The following LMCD1 variants were observed in gnomAD, a reference collection of about 807,000 sequenced individuals.
The protein encoded by LMCD1 is LIM and cysteine-rich domains protein 1.
LMCD1 carries 32 observed loss-of-function variants against 42.7 expected under a neutral mutation model. The observed-to-expected ratio is 0.75, with a 90% CI of 0.57 to 1.01. LMCD1 has a LOEUF of 1.01. Among genes scored for constraint, LMCD1 ranks in the 50% least tolerant of loss-of-function variants. LMCD1 has a pLI of 0.00. For synonymous variants in LMCD1, 178 were observed against 184.9 expected (o/e 0.96, Z 0.30); for missense variants, 458 against 483.1 (o/e 0.95, Z 0.49).
At position 8,541,223 on chromosome 3, in the gene LMCD1, C is replaced by T. The variant is rs572910152; in HGVS notation, c.387+3783C>T. On this transcript the variant is annotated intron_variant, in intron 3 of 5. Coordinates refer to ENST00000157600, the MANE Select transcript of LMCD1 (RefSeq NM_014583.4). ...TGGAACCTCTCCACCCAAGATGTCC[C>T]GACCAGGTTGCAGAGCACCAAGTAA... 7.2e-4 allele frequency among the ~76,000 whole-genome samples: 110 copies of T among 152,250 alleles called. No individual in the cohort carries two copies. In the Middle Eastern group the frequency reaches 0.01, roughly 14 times the overall value.
At chr3:8,502,923 C>G (rs963872785) in intron 1 of LMCD1, among the ~76,000 whole-genome samples, 8 of 152,252 alleles carry the variant, frequency 5.3e-5, no homozygotes, top group Middle Eastern at 3.4e-3. Flanking sequence ...AGAGTTGGTT[C>G]TAACAGGCAG....
At chr3:8,502,272 TATATAAA>T (rs1693740299) in intron 1 of LMCD1, among the ~76,000 whole-genome samples, 1 of 60,914 alleles carries the variant, frequency 1.6e-5, no homozygotes. Flanking sequence ...ATAAAATATA[TATATAAA>T]ATATATATAA....
intron 4 of LMCD1, among the ~76,000 whole-genome samples, chr3:8,549,175 G>GT (rs2125032464): frequency 6.6e-6 from 1 of 152,274 alleles, no homozygotes; most frequent in Admixed American, 6.5e-5. Context: ...CTGCTTGGTG[G>GT]TGAGGGTAAG....
At chr3:8,528,741 C>A (rs768329020) in intron 1 of LMCD1, among the ~76,000 whole-genome samples, 74 of 152,138 alleles carry the variant, frequency 4.9e-4, no homozygotes, top group Non-Finnish European at 7.8e-4. Context: ...TCCTCTCAAC[C>A]CTACATTGTT....
intron 5 of LMCD1, 26 bp from the exon 6 acceptor site, chr3:8,567,414 T>C (rs1283755464): frequency 8.1e-6 from 13 of 1,610,438 alleles, no homozygotes; most frequent in South Asian, 2.2e-5. Flanking sequence ...AACTGAGTCA[T>C]GCATTTCTCC....
At chr3:8,522,561 T>C (rs1229189780) in intron 1 of LMCD1, among the ~76,000 whole-genome samples, 2 of 152,190 alleles carry the variant, frequency 1.3e-5, no homozygotes, top group Non-Finnish European at 2.9e-5. Flanking sequence ...GGGACTACCA[T>C]GCTTCACTCC....
intron 4 of LMCD1, among the ~76,000 whole-genome samples, chr3:8,554,922 T>C (rs1192279757): frequency 1.3e-5 from 2 of 152,112 alleles, no homozygotes; most frequent in Non-Finnish European, 1.5e-5. Context: ...CTCTACTCTT[T>C]AGCATTTACC....
chr3:8,548,448 C>T, intron 3 of LMCD1, 120 bp from the exon 4 acceptor site: 1 of 582,408 alleles, frequency 1.7e-6, no homozygotes. Flanking sequence ...GTGGGTCTTT[C>T]AGTTGCTGAG....
intron 4 of LMCD1, among the ~76,000 whole-genome samples, chr3:8,563,359 T>C (rs1415569101): frequency 6.6e-6 from 1 of 152,192 alleles, no homozygotes; most frequent in Non-Finnish European, 1.5e-5. Flanking sequence ...GGGAACAATG[T>C]ACCAGACATC....
At chr3:8,520,119 C>G (rs1399124307) in intron 1 of LMCD1, among the ~76,000 whole-genome samples, 4 of 152,158 alleles carry the variant, frequency 2.6e-5, no homozygotes, top group Non-Finnish European at 4.4e-5. Flanking sequence ...AATCCACCAA[C>G]TTGGTGTGTT....
intron 1 of LMCD1, among the ~76,000 whole-genome samples, chr3:8,510,754 A>T (rs1693979179): frequency 1.3e-5 from 2 of 152,230 alleles, no homozygotes; most frequent in African/African-American, 4.8e-5. Context: ...ATCTGTTAGT[A>T]AGTCACAAAT....
chr3:8,536,316 G>T (rs758045327), intron 2 of LMCD1, among the ~76,000 whole-genome samples: 4 of 152,178 alleles, frequency 2.6e-5, no homozygotes, highest in African/African-American at 7.2e-5. Context: ...TTCCTCTCAC[G>T]CCGTGGAACT....
chr3:8,532,606 T>A (rs1479115510), intron 1 of LMCD1, 131 bp from the exon 2 acceptor site: 3 of 724,956 alleles, frequency 4.1e-6, no homozygotes, highest in Non-Finnish European at 7.3e-6. Context: ...CAGTTTGTGA[T>A]GGCTTATTGA....
intron 3 of LMCD1, among the ~76,000 whole-genome samples, chr3:8,544,904 C>T (rs1015931820): frequency 6.6e-6 from 1 of 152,188 alleles, no homozygotes; most frequent in Non-Finnish European, 1.5e-5. Flanking sequence ...ATTTGCCTCT[C>T]ACGGTTTCTC....
At chr3:8,562,518 C>T (rs1253079921) in intron 4 of LMCD1, among the ~76,000 whole-genome samples, 1 of 152,166 alleles carries the variant, frequency 6.6e-6, no homozygotes. Flanking sequence ...TATTTTGTCT[C>T]CTTGGGCCTC....
In LMCD1 at chr3:8,518,783, G is replaced by A. The variant is rs149545225; in HGVS notation, c.43-13954G>A. Among the ~76,000 whole-genome samples, 620 of 152,254 alleles carry A rather than the reference G, an allele frequency of 4.1e-3. 5 individuals are homozygous for A. Among genetic ancestry groups the A allele is most frequent in the African/African-American group, 0.013 (543 of 41,550 alleles). ...AGAAGAGCCAGTGGGAGAACCTTGG[G>A]GAGAGAAGAAAGTTATTGAGGAAGG... On this transcript the variant is annotated intron_variant, in intron 1 of 5. Coordinates refer to ENST00000157600, the MANE Select transcript of LMCD1 (RefSeq NM_014583.4).
chr3:8,533,302 A>G (rs1694447705), intron 2 of LMCD1, among the ~76,000 whole-genome samples: 1 of 152,196 alleles, frequency 6.6e-6, no homozygotes, highest in African/African-American at 2.4e-5. Flanking sequence ...ATATCTGCAC[A>G]GGAGGACCAT....
rs1030544795 is a variant in LMCD1 at position 8,574,090 on chromosome 3, T to G, written c.*6492T>G. On this transcript the variant is annotated 3_prime_UTR_variant, in exon 6 of 6. Coordinates refer to ENST00000157600, the MANE Select transcript of LMCD1 (RefSeq NM_014583.4). ...TTATTCTTAGGTAGGCTTACCCAGA[T>G]AGTCATAAACACAGCCACCAGTGGC... The G allele has an allele frequency of 2.0e-5, 3 of 152,208 alleles. No homozygotes were observed. The highest frequency in any genetic ancestry group is 7.2e-5 in the African/African-American group (3 of 41,446). The allele number at this position is 152,208 out of a possible 1,614,324, so 9.4% of individuals were successfully genotyped here.
chr3:8,537,664 A>AT, intron 3 of LMCD1: 1 of 459,582 alleles, frequency 2.2e-6, no homozygotes. Flanking sequence ...AGGTGTTCAT[A>AT]TGGACCCCAA....
Sources: gnomAD v4.1 joint callset for allele counts (sites outside exome capture counted in the v4.1 genomes callset) on GRCh38, gnomAD v4.1.1 for gene constraint, MANE v1.5 for transcripts, NCBI Gene and HGNC (gene_info 2026-07-23, HGNC 2026-07-21) for gene names.